Variants in PDIA6 observed in about 807,000 individuals in gnomAD.
The protein encoded by PDIA6 is protein disulfide-isomerase A6.
PDIA6 carries 29 observed loss-of-function variants against 58.4 expected under a neutral mutation model. That is an observed-to-expected ratio of 0.50 (90% confidence interval 0.37 to 0.68). The LOEUF (loss-of-function observed/expected upper bound fraction) is 0.68, where lower values mean the gene tolerates loss of function less well. PDIA6 is among the 30% of genes least tolerant of loss of function. The pLI is 0.00. For synonymous variants in PDIA6, 192 were observed against 202.6 expected (o/e 0.95, Z 0.44); for missense variants, 480 against 551.0 (o/e 0.87, Z 1.29).
chr2:10,789,089 C>G, intron 8 of PDIA6, 108 bp from the exon 9 acceptor site: 1 of 779,930 alleles, frequency 1.3e-6, no homozygotes, highest in Non-Finnish European at 2.3e-6. Context: ...GAAAACATTT[C>G]TCCCACGACT....
chr2:10,787,822 T>C (rs1470920861), intron 10 of PDIA6, among the ~76,000 whole-genome samples: 2 of 152,172 alleles, frequency 1.3e-5, no homozygotes, highest in Non-Finnish European at 2.9e-5. Context: ...CCCAGCACTT[T>C]GGGAGGCCAA....
chr2:10,787,375 C>G lies in PDIA6; in HGVS notation c.1063G>C (p.Gly355Arg), dbSNP rs1665816868. Residue 355 changes from glycine to arginine, a missense_variant, in exon 11 of 13, where the codon GGG (glycine) becomes CGG (arginine). Physicochemically the swap from Gly to Arg is moderately radical, Grantham distance 125 (BLOSUM62 -2). Transcript: ENST00000272227. ...LETALGIGGF[G>R]YPAMAAINAR... ...TTGATGGCGGCCATGGCGGGGTACC[C>G]AAACCCTCCAATCCCCAACGCGGTC... 1 of 1,614,018 alleles carries G rather than the reference C, an allele frequency of 6.2e-7. No homozygotes were observed. The highest frequency in any genetic ancestry group is 8.5e-7 in the Non-Finnish European group (1 of 1,180,012).
At chr2:10,832,694 T>C (rs1490019588), upstream of PDIA6, among the ~76,000 whole-genome samples, 1 of 152,142 alleles carries the variant, frequency 6.6e-6, no homozygotes, top group East Asian at 1.9e-4. Context: ...GGCTGAATCC[T>C]GCAGTCAGCA....
At chr2:10,816,714 G>A (rs1383842923), upstream of PDIA6, among the ~76,000 whole-genome samples, 3 of 151,704 alleles carry the variant, frequency 2.0e-5, no homozygotes, top group Admixed American at 6.6e-5. Context: ...CCTTTTTTCC[G>A]CAGTTATTTT....
chr2:10,802,758 G>T, intron 1 of PDIA6, 118 bp from the exon 2 acceptor site: 1 of 687,224 alleles, frequency 1.5e-6, no homozygotes, highest in Non-Finnish European at 2.1e-6. Flanking sequence ...GGACGGCCTA[G>T]CTCTGGCCCC....
chr2:10,837,284 A>G (rs184845120), upstream of PDIA6, among the ~76,000 whole-genome samples: 6 of 152,288 alleles, frequency 3.9e-5, no homozygotes, highest in African/African-American at 1.4e-4. Context: ...CCTCACAAAG[A>G]CTTACTAAAT....
At chr2:10,790,670 C>T (rs758709012) in intron 7 of PDIA6, 49 bp downstream of exon 7, 28 of 1,341,266 alleles carry the variant, frequency 2.1e-5, no homozygotes, top group East Asian at 1.4e-4. Flanking sequence ...GAAGAAGTAA[C>T]GAAACACCAT....
chr2:10,835,090 G>A (rs1225601164), upstream of PDIA6, among the ~76,000 whole-genome samples: 2 of 152,120 alleles, frequency 1.3e-5, no homozygotes, highest in Non-Finnish European at 2.9e-5. Flanking sequence ...ATTTCATAGC[G>A]TGGGTTGATG....
At chr2:10,799,574 C>T (rs1403860595) in intron 2 of PDIA6, among the ~76,000 whole-genome samples, 1 of 152,174 alleles carries the variant, frequency 6.6e-6, no homozygotes, top group Non-Finnish European at 1.5e-5. Context: ...TAAACTCAAT[C>T]CCAGTATCTG....
At chr2:10,815,985 C>T (rs1288730076), upstream of PDIA6, among the ~76,000 whole-genome samples, 1 of 152,092 alleles carries the variant, frequency 6.6e-6, no homozygotes, top group African/African-American at 2.4e-5. Context: ...CTCCCCCTTC[C>T]CTGCTGTCCC....
rs1553339931 is a variant in PDIA6, at chr2:10,806,628, C to CAGAA, written c.20-3992_20-3989dup. 5.7e-4 allele frequency among the ~76,000 whole-genome samples: 40 copies of CAGAA among 70,364 alleles called. 5 individuals carry two copies. The highest frequency in any genetic ancestry group is 1.4e-3 in the African/African-American group (39 of 28,494). The allele number at this position is 70,364 out of a possible 152,430, so 46.2% of individuals were successfully genotyped here. On this transcript the variant is annotated intron_variant, in intron 1 of 12. Transcript: ENST00000272227. The stretch of plus-strand genomic sequence containing the variant: ...AACCACATCTCCTAAAAAATAAAGA[C>CAGAA]AGAAAGAAAGAAAGAAAGAAAAACG...
At chr2:10,834,230 T>G (rs1327556421), upstream of PDIA6, among the ~76,000 whole-genome samples, 1 of 152,246 alleles carries the variant, frequency 6.6e-6, no homozygotes, top group Non-Finnish European at 1.5e-5. Context: ...GCTGCGCTTC[T>G]GAGCAGAGAC....
intron 2 of PDIA6, among the ~76,000 whole-genome samples, chr2:10,802,029 G>A (rs1225687137): frequency 6.6e-6 from 1 of 152,168 alleles, no homozygotes; most frequent in African/African-American, 2.4e-5. Context: ...TGCATTAAAT[G>A]CTTTAATCAC....
rs573379837 is a variant in PDIA6 at position 10,823,536 on chromosome 2, C to T, written c.-47-4182G>A. The T allele has an allele frequency of 9.2e-5, 14 of 152,352 alleles. No individual in the cohort carries two copies. The East Asian group carries it at 2.7e-3, about 29-fold the overall frequency. The allele number at this position is 152,352 out of a possible 1,614,324, so 9.4% of individuals were successfully genotyped here. A position where few individuals can be genotyped will look rare whatever the true frequency, so the allele number is the denominator to read the frequency against. ...CAAGCCCCAAATCTCATTGGGTTCTCTTTCCATCACCAGCTCCCAACATTC... is the reference window on the plus strand; with the variant it reads ...CAAGCCCCAAATCTCATTGGGTTCTTTTTCCATCACCAGCTCCCAACATTC... On this transcript the variant is annotated intron_variant, in intron 1 of 13. Transcript: ENST00000381611.
chr2:10,796,909 T>TATTTC (rs1666290418), intron 4 of PDIA6, among the ~76,000 whole-genome samples, 172 bp downstream of exon 4: 1 of 152,230 alleles, frequency 6.6e-6, no homozygotes, highest in Non-Finnish European at 1.5e-5. Context: ...GTGTGACACA[T>TATTTC]ATTTCATCTT....
At chr2:10,786,737 C>T (rs1357847521) in intron 11 of PDIA6, among the ~76,000 whole-genome samples, 1 of 152,188 alleles carries the variant, frequency 6.6e-6, no homozygotes, top group African/African-American at 2.4e-5. Flanking sequence ...TAGGTCAATG[C>T]CCTGTATTGC....
rs962311698 is a variant in PDIA6 at position 10,793,266 on chromosome 2, G to A, written c.347-64C>T. 8 of 1,059,668 alleles carry A rather than the reference G, an allele frequency of 7.5e-6. No individual in the cohort carries two copies. The Admixed American group carries it at 8.8e-5, about 12-fold the overall frequency. The allele number at this position is 1,059,668 out of a possible 1,614,324, so 65.6% of individuals were successfully genotyped here. A position where few individuals can be genotyped will look rare whatever the true frequency, so the allele number is the denominator to read the frequency against. ...TTCAGCAAGTGCCTCATCTGGCCCG[G>A]CCCAAGACTGTGTCTTTACCTCACT... On this transcript the variant is annotated intron_variant, in intron 4 of 12. Transcript: ENST00000272227.
chr2:10,785,280 C>T (rs6756520), intron 11 of PDIA6, among the ~76,000 whole-genome samples: 26,209 of 152,160 alleles, frequency 0.17, 3,422 homozygotes, highest in African/African-American at 0.36. Context: ...TATCAGTAAG[C>T]TTTTAAAAAT....
intron 1 of PDIA6, among the ~76,000 whole-genome samples, chr2:10,809,545 A>G (rs2148562444): frequency 6.7e-6 from 1 of 148,406 alleles, no homozygotes; most frequent in East Asian, 2.1e-4. Context: ...AAAATGCAAA[A>G]ATTAGCTCGG....
Sources: gnomAD v4.1 joint callset for allele counts (sites outside exome capture counted in the v4.1 genomes callset) on GRCh38, gnomAD v4.1.1 for gene constraint, MANE v1.5 for transcripts, NCBI Gene and HGNC (gene_info 2026-07-23, HGNC 2026-07-21) for gene names.